KALRN: variants seen among roughly 807,000 people sequenced by gnomAD.
The protein encoded by KALRN is kalirin.
A neutral mutation model predicts 353.7 loss-of-function variants in KALRN; 70 were observed. That is an observed-to-expected ratio of 0.20 (90% CI 0.16 to 0.24). The LOEUF (loss-of-function observed/expected upper bound fraction) is 0.24. KALRN is among the 10% of genes least tolerant of loss of function. KALRN has a pLI of 1.00. For synonymous variants in KALRN, 1,391 were observed against 1,434.8 expected, an observed-to-expected ratio of 0.97 and a Z score of 0.69; for missense variants, 2,791 against 3,756.7, an observed-to-expected ratio of 0.74 and a Z score of 6.72.
At chr3:124,374,564 C>G (rs1037239081) in intron 10 of KALRN, 2 of 152,226 alleles carry the variant, frequency 1.3e-5, no homozygotes, top group African/African-American at 4.8e-5. Context: ...ATTTGGTCAC[C>G]TCACCATCTG....
At chr3:124,152,143 C>T (rs2068195586) in intron 1 of KALRN, 1 of 1,349,640 alleles carries the variant, frequency 7.4e-7, no homozygotes. Context: ...TCAGATCCTT[C>T]CTGCAGATGA....
At chr3:124,188,236 T>G (rs1413989910) in intron 1 of KALRN, among the ~76,000 whole-genome samples, 1 of 152,126 alleles carries the variant, frequency 6.6e-6, no homozygotes, top group Non-Finnish European at 1.5e-5. Context: ...CTCTATTCAG[T>G]AGGTCTGGGG....
intron 37 of KALRN, among the ~76,000 whole-genome samples, chr3:124,638,025 T>G (rs2081565882): frequency 6.6e-6 from 1 of 152,208 alleles, no homozygotes; most frequent in African/African-American, 2.4e-5. Context: ...GTTTTTACAT[T>G]TAAGTGTATC....
chr3:124,175,986 C>T (rs2072679941), intron 1 of KALRN, among the ~76,000 whole-genome samples: 1 of 152,128 alleles, frequency 6.6e-6, no homozygotes, highest in African/African-American at 2.4e-5. Flanking sequence ...GATTTTCTCT[C>T]TTCTGGGGCT....
At chr3:124,429,152 A>G (rs1444437608) in intron 15 of KALRN, among the ~76,000 whole-genome samples, 2 of 152,240 alleles carry the variant, frequency 1.3e-5, no homozygotes, top group South Asian at 2.1e-4. Context: ...CACTCTGAGC[A>G]GTTATTTCCT....
At chr3:124,710,772 G>A (rs1033757999) in intron 57 of KALRN, among the ~76,000 whole-genome samples, 25 of 152,320 alleles carry the variant, frequency 1.6e-4, no homozygotes, top group African/African-American at 5.8e-4. Context: ...GTGGGTGACA[G>A]AGCAAGACTC....
chr3:124,594,972 A>T (rs2076139502), intron 34 of KALRN, among the ~76,000 whole-genome samples: 1 of 151,356 alleles, frequency 6.6e-6, no homozygotes, highest in Non-Finnish European at 1.5e-5. Context: ...ATTTTTTTAA[A>T]AATTTTATTT....
chr3:124,164,490 G>A (rs1456869769), intron 1 of KALRN: 1 of 152,200 alleles, frequency 6.6e-6, no homozygotes, highest in African/African-American at 2.4e-5. Context: ...GGAGAAAGAT[G>A]TGGGTCTACA....
At chr3:124,289,804 G>C (rs1055707398) in intron 5 of KALRN, among the ~76,000 whole-genome samples, 4 of 152,166 alleles carry the variant, frequency 2.6e-5, no homozygotes, top group Admixed American at 1.3e-4. Flanking sequence ...CTTCTTTGTA[G>C]CATTATTATG....
chr3:124,712,904 T>TG (rs1355131801), intron 57 of KALRN, 31 bp from the exon 58 acceptor site: 1 of 1,517,076 alleles, frequency 6.6e-7, no homozygotes, highest in East Asian at 2.3e-5. Context: ...AATTAATGAA[T>TG]GTTGGCAAAC....
At chr3:124,039,617 C>T (rs1176557026) in intron 1 of KALRN, among the ~76,000 whole-genome samples, 5 of 152,168 alleles carry the variant, frequency 3.3e-5, no homozygotes, top group African/African-American at 1.2e-4. Context: ...AAACTATTGT[C>T]ATGTCCAGAT....
chr3:124,505,764 C>T (rs2065143877), intron 33 of KALRN, among the ~76,000 whole-genome samples: 1 of 152,214 alleles, frequency 6.6e-6, no homozygotes, highest in Non-Finnish European at 1.5e-5. Context: ...TTCGCTGGAG[C>T]TCCCTTTACC....
At chr3:124,037,185 A>G (rs1278656887) in intron 1 of KALRN, among the ~76,000 whole-genome samples, 1 of 152,272 alleles carries the variant, frequency 6.6e-6, no homozygotes, top group African/African-American at 2.4e-5. Context: ...CAAAAGAAAT[A>G]TTCGAAGTGG....
At chr3:124,673,169 G>A (rs775394592) in intron 48 of KALRN, among the ~76,000 whole-genome samples, 1 of 151,906 alleles carries the variant, frequency 6.6e-6, no homozygotes, top group Non-Finnish European at 1.5e-5. Context: ...GTGATGGCTT[G>A]GGCTTAAGAG....
chr3:124,404,942 G>A (rs939083778), intron 13 of KALRN, among the ~76,000 whole-genome samples: 1 of 152,074 alleles, frequency 6.6e-6, no homozygotes, highest in Non-Finnish European at 1.5e-5. Context: ...TTTGTAACAT[G>A]CCAAATCCAC....
intron 1 of KALRN, among the ~76,000 whole-genome samples, chr3:124,121,172 G>C (rs1578282239): frequency 6.6e-6 from 1 of 151,222 alleles, no homozygotes; most frequent in Non-Finnish European, 1.5e-5. Context: ...AAAATGAAGA[G>C]TAATGTGAGT....
chr3:124,349,119 T>C (rs2082583646), intron 10 of KALRN, among the ~76,000 whole-genome samples: 1 of 152,242 alleles, frequency 6.6e-6, no homozygotes, highest in South Asian at 2.1e-4. Context: ...TGTGTTCTAT[T>C]CAGATAATGG....
intron 57 of KALRN, among the ~76,000 whole-genome samples, chr3:124,709,009 C>T (rs955860152): frequency 1.3e-5 from 2 of 151,870 alleles, no homozygotes; most frequent in African/African-American, 4.8e-5. Flanking sequence ...AGCTGGCCAC[C>T]AAGAATTCTA....
At chr3:124,563,495 G>A (rs910822132) in intron 34 of KALRN, among the ~76,000 whole-genome samples, 9 of 152,070 alleles carry the variant, frequency 5.9e-5, no homozygotes, top group African/African-American at 1.7e-4. Flanking sequence ...TCTGACCCCC[G>A]ACCAAGTACT....
Sources: gnomAD v4.1 joint callset for allele counts (sites outside exome capture counted in the v4.1 genomes callset) on GRCh38, gnomAD v4.1.1 for gene constraint, MANE v1.5 for transcripts, NCBI Gene and HGNC (gene_info 2026-07-23, HGNC 2026-07-21) for gene names.